The following TENM4 variants were observed in gnomAD, a reference collection of about 807,000 sequenced individuals.
TENM4 encodes teneurin transmembrane protein 4, also known as teneurin-4.
In TENM4, 82 loss-of-function variants were observed where a neutral mutation model predicts 243.3. That is an observed-to-expected ratio of 0.34 (90% CI 0.28 to 0.40). The LOEUF is 0.40. TENM4 is among the 10% of genes least tolerant of loss of function. The pLI is 1.00. For missense variants in TENM4, 3,138 were observed against 3,673.3 expected (o/e 0.85, Z 3.77); for synonymous variants, 1,412 against 1,456.3 (o/e 0.97, Z 0.69).
intron 1 of TENM4, among the ~76,000 whole-genome samples, chr11:79,398,910 A>ATAGG (rs1485763988): frequency 6.6e-6 from 1 of 151,846 alleles, no homozygotes; most frequent in Non-Finnish European, 1.5e-5. Flanking sequence ...GGCTTGAAGA[A>ATAGG]TAGGTAGGAA....
chr11:79,018,635 A>G (rs1439776147), intron 6 of TENM4, among the ~76,000 whole-genome samples: 3 of 152,008 alleles, frequency 2.0e-5, no homozygotes, highest in Non-Finnish European at 4.4e-5. Context: ...TCAGAGAGAG[A>G]TTACTCAGAA....
At chr11:78,782,481 C>T (rs148813831) in intron 16 of TENM4, among the ~76,000 whole-genome samples, 56 of 152,256 alleles carry the variant, frequency 3.7e-4, no homozygotes, top group East Asian at 2.7e-3. Context: ...TCTGTGATCC[C>T]GGCTACTTGG....
At chr11:79,118,308 C>T (rs1017725042) in intron 4 of TENM4, among the ~76,000 whole-genome samples, 2 of 152,166 alleles carry the variant, frequency 1.3e-5, no homozygotes, top group African/African-American at 4.8e-5. Context: ...CTGTATTAGG[C>T]TCTTTAGAGA....
Position 79,160,600 on chromosome 11 carries a change from T to C in TENM4, c.-162-11794A>G, listed in dbSNP as rs577782250. Among the ~76,000 whole-genome samples the C allele has an allele frequency of 8.1e-4, 124 of 152,236 alleles. 1 individual carries two copies. The highest frequency in any genetic ancestry group is 2.8e-3 in the African/African-American group (115 of 41,542). On this transcript the variant is annotated intron_variant, in intron 3 of 33. Transcript: ENST00000278550. ...ATCTCAAGACTGTGGAGTCATAATC[T>C]GTCTGTACTTGGGTTACTACAGTGA... is the stretch of plus-strand genomic sequence containing the variant.
At chr11:78,950,300 G>A (rs532646257) in intron 6 of TENM4, among the ~76,000 whole-genome samples, 1 of 152,328 alleles carries the variant, frequency 6.6e-6, no homozygotes, top group South Asian at 2.1e-4. Context: ...TTTCCATTCA[G>A]GGGCCTCTGG....
chr11:79,017,256 A>C (rs756005861), intron 6 of TENM4, among the ~76,000 whole-genome samples: 9 of 152,178 alleles, frequency 5.9e-5, no homozygotes, highest in Non-Finnish European at 1.2e-4. Context: ...TGGCTGAAGG[A>C]ATAGTCTAGA....
At chr11:79,254,493 C>T (rs1020852516) in intron 2 of TENM4, among the ~76,000 whole-genome samples, 1 of 152,142 alleles carries the variant, frequency 6.6e-6, no homozygotes, top group African/African-American at 2.4e-5. Context: ...TGTGGCCACC[C>T]TTGGAGAGAG....
At chr11:78,955,567 C>A (rs558153074) in intron 6 of TENM4, among the ~76,000 whole-genome samples, 63 of 150,186 alleles carry the variant, frequency 4.2e-4, no homozygotes, top group Non-Finnish European at 8.4e-4. Context: ...TCAAGCCATA[C>A]ATGGAAAAGT....
At chr11:79,174,277 G>C (rs578232747) in intron 3 of TENM4, among the ~76,000 whole-genome samples, 1 of 152,018 alleles carries the variant, frequency 6.6e-6, no homozygotes, top group East Asian at 1.9e-4. Context: ...AAGGTGAAAC[G>C]TTGTACATGA....
chr11:78,688,651 G>A (rs1044805140), intron 28 of TENM4, among the ~76,000 whole-genome samples: 2 of 152,140 alleles, frequency 1.3e-5, no homozygotes, highest in South Asian at 2.1e-4. Flanking sequence ...TGCAAAACCC[G>A]CAAGAACTGG....
At chr11:78,914,199 G>C (rs1235168771) in intron 6 of TENM4, among the ~76,000 whole-genome samples, 1 of 152,158 alleles carries the variant, frequency 6.6e-6, no homozygotes, top group African/African-American at 2.4e-5. Context: ...TTGTCTATCT[G>C]AAAAAGGAAG....
intron 1 of TENM4, among the ~76,000 whole-genome samples, chr11:79,301,133 C>T (rs1369277698): frequency 6.6e-6 from 1 of 152,212 alleles, no homozygotes; most frequent in East Asian, 1.9e-4. Context: ...CTCTCACCAC[C>T]TGAAGCCAGA....
chr11:78,936,129 A>G (rs1856777993), intron 6 of TENM4, among the ~76,000 whole-genome samples: 1 of 152,220 alleles, frequency 6.6e-6, no homozygotes, highest in Non-Finnish European at 1.5e-5. Flanking sequence ...CAGGGCTGGA[A>G]TGCATCTTAT....
intron 4 of TENM4, among the ~76,000 whole-genome samples, chr11:79,108,497 G>C (rs61882091): frequency 0.13 from 19,210 of 151,498 alleles, 1,288 homozygotes; most frequent in East Asian, 0.18. Flanking sequence ...TATGTATACT[G>C]TGTGTGTGTG....
intron 1 of TENM4, among the ~76,000 whole-genome samples, chr11:79,300,722 C>T (rs1277045020): frequency 3.3e-5 from 5 of 152,194 alleles, no homozygotes; most frequent in African/African-American, 1.2e-4. Context: ...GTTTCTTGGT[C>T]ATCACACTTT....
At chr11:79,408,619 G>C (rs1858623242) in intron 1 of TENM4, among the ~76,000 whole-genome samples, 1 of 152,130 alleles carries the variant, frequency 6.6e-6, no homozygotes, top group South Asian at 2.1e-4. Flanking sequence ...CAATCCACTA[G>C]GAAAAATGTC....
At position 79,427,284 on chromosome 11, in the gene TENM4, T is replaced by C. The variant is rs1439754332; in HGVS notation, c.-321+13225A>G. Among the ~76,000 whole-genome samples the C allele has an allele frequency of 3.3e-5, 5 of 152,258 alleles. No homozygotes were observed. The South Asian group carries it at 8.3e-4, about 25-fold the overall frequency. ...ACCTAGAAATTTCAAGTAAAGAAAT[T>C]GGACTGAAGAAAATAAACAGACAAC... On this transcript the variant is annotated intron_variant, in intron 1 of 33. Transcript: ENST00000278550.
intron 2 of TENM4, among the ~76,000 whole-genome samples, chr11:79,223,575 T>A (rs1387233231): frequency 6.6e-6 from 1 of 152,022 alleles, no homozygotes; most frequent in Non-Finnish European, 1.5e-5. Context: ...GGAGAAGAAA[T>A]CCAAACTCTC....
rs541463770 is a variant in TENM4 at position 78,714,717 on chromosome 11, A to G, written c.3822-2003T>C. 2.0e-5 allele frequency among the ~76,000 whole-genome samples: 3 copies of G among 149,058 alleles called. No individual in the cohort carries two copies. The East Asian group carries it at 6.1e-4, about 30-fold the overall frequency. The stretch of plus-strand genomic sequence containing the variant: ...TCCCATCCTCCCTACACCTGGCCAC[A>G]GACCTGTCCCTGCAGCATGCCTCAA... On this transcript the variant is annotated intron_variant, in intron 25 of 33. Coordinates refer to ENST00000278550, the MANE Select transcript of TENM4 (RefSeq NM_001098816.3).
Sources: gnomAD v4.1 joint callset for allele counts (sites outside exome capture counted in the v4.1 genomes callset) on GRCh38, gnomAD v4.1.1 for gene constraint, MANE v1.5 for transcripts, NCBI Gene and HGNC (gene_info 2026-07-23, HGNC 2026-07-21) for gene names.